Variants in AFF4 observed in about 807,000 individuals in gnomAD.
The protein encoded by AFF4 is AF4/FMR2 family member 4.
A neutral mutation model predicts 124.8 loss-of-function variants in AFF4; 13 were observed. That is an observed-to-expected ratio of 0.10 (90% confidence interval 0.07 to 0.17). The LOEUF is 0.17. Ranked by LOEUF, AFF4 falls within the 10% of genes least tolerant of loss-of-function variation. AFF4 has a pLI of 1.00. For synonymous variants in AFF4, 477 were observed against 496.1 expected, an observed-to-expected ratio of 0.96 and a Z score of 0.51; for missense variants, 1,092 against 1,403.8, an observed-to-expected ratio of 0.78 and a Z score of 3.55.
At chr5:132,941,548 C>G (rs1250867803) in intron 1 of AFF4, among the ~76,000 whole-genome samples, 1 of 152,046 alleles carries the variant, frequency 6.6e-6, no homozygotes, top group Non-Finnish European at 1.5e-5. Context: ...GTTGCCCAGG[C>G]TGGTCTCCAA....
At chr5:132,949,584 G>A (rs1290089833) in intron 1 of AFF4, among the ~76,000 whole-genome samples, 1 of 151,720 alleles carries the variant, frequency 6.6e-6, no homozygotes, top group Non-Finnish European at 1.5e-5. Context: ...GGCTGAGGCG[G>A]GTGGATCACA....
At chr5:132,941,351 T>A (rs1191619791) in intron 1 of AFF4, among the ~76,000 whole-genome samples, 1 of 152,134 alleles carries the variant, frequency 6.6e-6, no homozygotes, top group African/African-American at 2.4e-5. Context: ...TTATTTTTTT[T>A]GAGACAGTGT....
At position 132,898,187 on chromosome 5, in the gene AFF4, C is replaced by T. The variant is rs1411632595; in HGVS notation, c.1389+43G>A. The stretch of plus-strand genomic sequence containing the variant: ...GTTTTAAATGGACATCACCAAGGAC[C>T]CTGAGAGGGCCTGTGGAAGGTACCC... On this transcript the variant is annotated intron_variant, in intron 10 of 20. Coordinates refer to ENST00000265343, the MANE Select transcript of AFF4 (RefSeq NM_014423.4). 13 of 1,608,660 alleles carry T rather than the reference C, an allele frequency of 8.1e-6. No individual in the cohort carries two copies. In the Admixed American group the frequency reaches 2.2e-4, roughly 27 times the overall value.
intron 1 of AFF4, 38 bp from the exon 2 acceptor site, chr5:132,937,231 A>G: frequency 3.2e-6 from 5 of 1,560,960 alleles, no homozygotes; most frequent in Non-Finnish European, 4.4e-6. Context: ...CACAGAAATA[A>G]AAGGAAAAAT....
intron 10 of AFF4, 83 bp from the exon 11 acceptor site, chr5:132,897,323 G>A: frequency 7.0e-7 from 1 of 1,437,830 alleles, no homozygotes. Context: ...CAAAGAAGAG[G>A]AAAAACCACA....
chr5:132,886,280 G>T, intron 18 of AFF4, 30 bp downstream of exon 18: 1 of 1,600,734 alleles, frequency 6.2e-7, no homozygotes, highest in Non-Finnish European at 8.5e-7. Context: ...TGTCTCCTAG[G>T]AAACGGACCT....
At chr5:132,900,363 C>T (rs1307783331) in intron 7 of AFF4, among the ~76,000 whole-genome samples, 1 of 152,136 alleles carries the variant, frequency 6.6e-6, no homozygotes, top group Non-Finnish European at 1.5e-5. Flanking sequence ...TCGAGACCAG[C>T]CAGGCCAACA....
rs138376057 is a variant in AFF4 at position 132,897,229 on chromosome 5, C to T, written c.1401G>A (p.Pro467=). The change falls in exon 11 of 21, where the codon CCG becomes CCA. Residue 467 remains proline (P), a synonymous_variant. Coordinates refer to ENST00000265343, the MANE Select transcript of AFF4 (RefSeq NM_014423.4). The part of the protein sequence containing the change: ...SQSASPEPEP[P]PTNKWQLDNW... The stretch of plus-strand genomic sequence containing the variant: ...TATCAAGTTGCCATTTGTTTGTTGG[C>T]GGGGGTTCAGGCTGAAAAACAGAGA... 104 of 1,612,234 alleles carry T rather than the reference C, an allele frequency of 6.5e-5. No individual in the cohort carries two copies. In the East Asian group the frequency reaches 1.6e-3, roughly 25 times the overall value.
At chr5:132,954,176 G>A (rs913541083) in intron 1 of AFF4, among the ~76,000 whole-genome samples, 5 of 152,178 alleles carry the variant, frequency 3.3e-5, no homozygotes, top group African/African-American at 1.2e-4. Flanking sequence ...ATTTTTCCAT[G>A]GATGGACAGG....
At chr5:132,898,172 G>C in intron 10 of AFF4, 58 bp downstream of exon 10, 1 of 1,577,084 alleles carries the variant, frequency 6.3e-7, no homozygotes, top group East Asian at 2.2e-5. Flanking sequence ...GTTTTAAATG[G>C]ACATCACCAA....
intron 6 of AFF4, among the ~76,000 whole-genome samples, chr5:132,903,010 G>A (rs1159318577): frequency 6.6e-6 from 1 of 152,040 alleles, no homozygotes; most frequent in Non-Finnish European, 1.5e-5. Flanking sequence ...AAAACAAAGT[G>A]AAAAACACAA....
intron 1 of AFF4, among the ~76,000 whole-genome samples, chr5:132,939,319 T>A (rs1350163017): frequency 6.6e-6 from 1 of 152,180 alleles, no homozygotes; most frequent in Non-Finnish European, 1.5e-5. Flanking sequence ...AATTTTCTAA[T>A]AAGCTTAAAC....
rs541232743 is a variant in AFF4, at chr5:132,955,634, C to T, written c.-5+7625G>A. 2.4e-3 allele frequency among the ~76,000 whole-genome samples: 370 copies of T among 151,186 alleles called. 4 individuals carry two copies. Among genetic ancestry groups the T allele is most frequent in the South Asian group, 4.6e-3 (22 of 4,780 alleles). ...CTCTACTAAAAATACAAAAAGTAGC[C>T]GGGCGTGGTGGCGGGCGCCTGTAAT... On this transcript the variant is annotated intron_variant, in intron 1 of 20. Coordinates refer to ENST00000265343, the MANE Select transcript of AFF4 (RefSeq NM_014423.4).
chr5:132,955,466 T>G (rs1363326268), intron 1 of AFF4, among the ~76,000 whole-genome samples: 1 of 152,146 alleles, frequency 6.6e-6, no homozygotes, highest in Admixed American at 6.6e-5. Flanking sequence ...TTGCATAGTG[T>G]ACTACATAAT....
rs1313912113 is a variant in AFF4 at position 132,886,051 on chromosome 5, C to T, written c.3099+259G>A. 7.2e-5 allele frequency among the ~76,000 whole-genome samples: 11 copies of T among 152,098 alleles called. No homozygotes were observed. The East Asian group carries it at 7.7e-4, about 11-fold the overall frequency. ...CCTCCCAAAGTGCTGAGATTACAGG[C>T]GTGAGCCACCGAACCCGGCCGAAAA... is the stretch of plus-strand genomic sequence containing the variant. On this transcript the variant is annotated intron_variant, in intron 18 of 20. Transcript: ENST00000265343.
At chr5:132,927,480 G>C in intron 4 of AFF4, 2 of 337,122 alleles carry the variant, frequency 5.9e-6, no homozygotes, top group South Asian at 7.3e-5. Flanking sequence ...TCAAATACAA[G>C]GCACATAATA....
Position 132,899,097 on chromosome 5 carries a change from T to A in AFF4, c.1226+7A>T. On this transcript the variant is annotated splice_region_variant and intron_variant, in intron 9 of 20. Transcript: ENST00000265343. ...ACCAATAAAACAGAAAAGAAAAGGA[T>A]GCCCACCTTCCTGGTGTACTCCTCG... 1 of 1,612,820 alleles carries A rather than the reference T, an allele frequency of 6.2e-7. No individual in the cohort carries two copies. Among genetic ancestry groups the A allele is most frequent in the South Asian group, 1.1e-5 (1 of 90,998 alleles).
intron 1 of AFF4, among the ~76,000 whole-genome samples, chr5:132,944,672 C>T (rs987662924): frequency 3.3e-5 from 5 of 150,842 alleles, no homozygotes; most frequent in African/African-American, 1.2e-4. Flanking sequence ...GGCTCACGCC[C>T]GTAATCCCAG....
rs1759846188 is a variant in AFF4, at chr5:132,876,669, A to G, written c.*4390T>C. ...ATACCTTATTCTGTGACCAAATTAC[A>G]TGAAAAGAAGATACATAGTTATTAT... is the stretch of plus-strand genomic sequence containing the variant. On this transcript the variant is annotated 3_prime_UTR_variant, in exon 21 of 21. Transcript: ENST00000265343. The G allele has an allele frequency of 5.0e-6, 1 of 198,378 alleles. No individual in the cohort carries two copies. Among genetic ancestry groups the G allele is most frequent in the South Asian group, 1.9e-4 (1 of 5,218 alleles). The allele number at this position is 198,378 out of a possible 1,614,324, so 12.3% of individuals were successfully genotyped here.
Sources: allele counts gnomAD v4.1 joint callset (sites outside exome capture counted in the v4.1 genomes callset), GRCh38; gene constraint gnomAD v4.1.1; transcripts MANE v1.5; gene names NCBI Gene and HGNC (gene_info 2026-07-23, HGNC 2026-07-21).